RALGAPA1: variants seen among roughly 807,000 people sequenced by gnomAD.
RALGAPA1 encodes the protein Ral GTPase activating protein catalytic subunit alpha 1.
In RALGAPA1, 52 loss-of-function variants were observed where a neutral mutation model predicts 269.6. That is an observed-to-expected ratio of 0.19 (90% CI 0.15 to 0.24). The LOEUF (loss-of-function observed/expected upper bound fraction) is 0.24. Ranked by LOEUF, RALGAPA1 falls within the 10% of genes least tolerant of loss-of-function variation. RALGAPA1 has a pLI of 1.00. For synonymous variants in RALGAPA1, 817 were observed against 1,008.3 expected (o/e 0.81, Z 3.60); for missense variants, 1,917 against 3,013.9 (o/e 0.64, Z 8.52).
At chr14:35,750,834 A>G (rs1237041107) in intron 8 of RALGAPA1, 144 bp from the exon 9 acceptor site, 5 of 692,682 alleles carry the variant, frequency 7.2e-6, no homozygotes, top group Non-Finnish European at 1.2e-5. Flanking sequence ...ACATTTCAAA[A>G]TTTGCCAGAT....
At chr14:35,761,331 C>T (rs2073684418) in intron 5 of RALGAPA1, among the ~76,000 whole-genome samples, 1 of 152,060 alleles carries the variant, frequency 6.6e-6, no homozygotes, top group Non-Finnish European at 1.5e-5. Context: ...CCTCCCATCA[C>T]CACTAGTCTA....
At chr14:35,780,256 G>A (rs193190748) in intron 1 of RALGAPA1, among the ~76,000 whole-genome samples, 1 of 152,234 alleles carries the variant, frequency 6.6e-6, no homozygotes, top group East Asian at 1.9e-4. Flanking sequence ...CTGAATTGAA[G>A]GAATATACAC....
At chr14:35,688,241 A>G (rs957579566) in intron 18 of RALGAPA1, among the ~76,000 whole-genome samples, 10 of 152,342 alleles carry the variant, frequency 6.6e-5, no homozygotes, top group Non-Finnish European at 1.3e-4. Context: ...TCAGCAGCAA[A>G]GAGGTTTAAC....
intron 41 of RALGAPA1, among the ~76,000 whole-genome samples, chr14:35,546,754 C>T (rs1393862122): frequency 2.0e-5 from 3 of 151,922 alleles, no homozygotes; most frequent in Non-Finnish European, 4.4e-5. Flanking sequence ...TTTTGCAAAC[C>T]AGCAGTCAGG....
chr14:35,750,744 G>C, intron 8 of RALGAPA1, 54 bp from the exon 9 acceptor site: 1 of 1,401,864 alleles, frequency 7.1e-7, no homozygotes, highest in Non-Finnish European at 9.8e-7. Flanking sequence ...ATTATGTTTA[G>C]AAAAAACCTA....
intron 28 of RALGAPA1, among the ~76,000 whole-genome samples, chr14:35,658,792 C>A (rs1030810611): frequency 1.8e-4 from 28 of 151,518 alleles, no homozygotes; most frequent in Non-Finnish European, 4.0e-4. Flanking sequence ...AACAAAAATT[C>A]ATTGGGTACC....
chr14:35,633,437 A>C (rs979999134), intron 33 of RALGAPA1, among the ~76,000 whole-genome samples: 5 of 152,132 alleles, frequency 3.3e-5, no homozygotes, highest in Non-Finnish European at 7.4e-5. Flanking sequence ...TAGTGTATTT[A>C]TGTTCTAGAC....
At chr14:35,646,088 G>A (rs2062419023) in intron 31 of RALGAPA1, among the ~76,000 whole-genome samples, 2 of 152,006 alleles carry the variant, frequency 1.3e-5, no homozygotes, top group African/African-American at 4.8e-5. Context: ...AGAAAGAAAG[G>A]AAAGCTCTTC....
At chr14:35,683,500 CAT>C (rs1295362763) in intron 21 of RALGAPA1, 1 of 187,754 alleles carries the variant, frequency 5.3e-6, no homozygotes, top group Non-Finnish European at 1.1e-5. Flanking sequence ...TCATGTACTC[CAT>C]ATACATATAC....
At chr14:35,555,979 A>G (rs1340899066) in intron 39 of RALGAPA1, among the ~76,000 whole-genome samples, 2 of 152,206 alleles carry the variant, frequency 1.3e-5, no homozygotes, top group African/African-American at 4.8e-5. Context: ...AGAGTAAAAT[A>G]CTATTTGCTA....
At chr14:35,666,061 G>T (rs1446151442) in intron 26 of RALGAPA1, among the ~76,000 whole-genome samples, 3 of 151,536 alleles carry the variant, frequency 2.0e-5, no homozygotes, top group Non-Finnish European at 4.4e-5. Flanking sequence ...TGTCGTGCAG[G>T]CTGGAGTACA....
chr14:35,638,282 A>G (rs1017945747), intron 31 of RALGAPA1, among the ~76,000 whole-genome samples: 4 of 152,222 alleles, frequency 2.6e-5, no homozygotes, highest in African/African-American at 7.2e-5. Context: ...TGGACAGTAC[A>G]ATAAGATATA....
intron 31 of RALGAPA1, among the ~76,000 whole-genome samples, chr14:35,647,006 C>T (rs943295237): frequency 1.3e-5 from 2 of 152,136 alleles, no homozygotes; most frequent in African/African-American, 4.8e-5. Context: ...ATGTTTCTAA[C>T]TAAAAACAGT....
intron 39 of RALGAPA1, among the ~76,000 whole-genome samples, chr14:35,564,086 T>C (rs1004482187): frequency 2.0e-5 from 3 of 152,198 alleles, no homozygotes; most frequent in Admixed American, 1.3e-4. Context: ...ATAATAACGA[T>C]AGCATCATTA....
rs1206376246 is a variant in RALGAPA1, at chr14:35,689,293, G to C, written c.3118C>G (p.Leu1040Val). The C allele has an allele frequency of 8.1e-7, 1 of 1,232,116 alleles. No homozygotes were observed. Among genetic ancestry groups the C allele is most frequent in the Non-Finnish European group, 1.0e-6 (1 of 988,098 alleles). 76.3% of individuals were successfully genotyped at this position (1,232,116 alleles called of 1,614,324 possible). The change falls in exon 18 of 42, where the codon CTA becomes GTA. Residue 1040 changes from leucine to valine, a missense_variant. This residue lies in a region of RALGAPA1 where 615 missense variants were observed against 790.0 expected (regional missense o/e 0.78). Coordinates refer to ENST00000680220, the MANE Select transcript of RALGAPA1 (RefSeq NM_001346249.2). ...TCTGATGGCTGTTTATCAGTGTTTA[G>C]TTGCTTAGATTTTTCAGAAGTTTGT... ...RTQTSEKSKQ[L>V]NTDKQPSEPS...
At chr14:35,776,095 G>A (rs1451772107) in intron 1 of RALGAPA1, among the ~76,000 whole-genome samples, 1 of 152,094 alleles carries the variant, frequency 6.6e-6, no homozygotes, top group African/African-American at 2.4e-5. Flanking sequence ...AATTTATGAT[G>A]TCTGAAGGCC....
At chr14:35,703,086 A>G (rs1281802828) in intron 16 of RALGAPA1, among the ~76,000 whole-genome samples, 1 of 152,134 alleles carries the variant, frequency 6.6e-6, no homozygotes, top group Non-Finnish European at 1.5e-5. Flanking sequence ...CCCAACACAG[A>G]CTTGAAGGAA....
chr14:35,761,956 C>T (rs2073739485), intron 5 of RALGAPA1, among the ~76,000 whole-genome samples: 1 of 152,128 alleles, frequency 6.6e-6, no homozygotes, highest in African/African-American at 2.4e-5. Context: ...TAACCTACAG[C>T]AAGATATTTT....
intron 14 of RALGAPA1, 96 bp downstream of exon 14, chr14:35,724,928 A>C (rs1187518321): frequency 1.0e-6 from 1 of 975,570 alleles, no homozygotes; most frequent in African/African-American, 1.7e-5. Context: ...TAACAAGTTC[A>C]GGGTTCAATG....
Sources: gnomAD v4.1 joint callset for allele counts (sites outside exome capture counted in the v4.1 genomes callset) on GRCh38, gnomAD v4.1.1 for gene constraint, gnomAD v4.1.1 regional missense constraint, MANE v1.5 for transcripts, NCBI Gene and HGNC (gene_info 2026-07-23, HGNC 2026-07-21) for gene names.